The following UNC5D variants were observed in gnomAD, a reference collection of about 807,000 sequenced individuals.
UNC5D encodes netrin receptor UNC5D.
Under a neutral mutation model 105.4 loss-of-function variants are expected in UNC5D, and 39 were observed. That is an observed-to-expected ratio of 0.37 (90% CI 0.29 to 0.48). The LOEUF (loss-of-function observed/expected upper bound fraction) is 0.48, where lower values mean the gene tolerates loss of function less well. Among genes scored for constraint, UNC5D ranks in the 20% least tolerant of loss-of-function variants. The pLI, the probability that UNC5D is intolerant of heterozygous loss-of-function variation, is 0.98. For synonymous variants in UNC5D, 452 were observed against 450.4 expected (o/e 1.00, Z -0.04); for missense variants, 991 against 1,202.4 (o/e 0.82, Z 2.60).
At chr8:35,311,901 G>A (rs1311286988) in intron 1 of UNC5D, among the ~76,000 whole-genome samples, 1 of 151,990 alleles carries the variant, frequency 6.6e-6, no homozygotes, top group Non-Finnish European at 1.5e-5. Flanking sequence ...TTGTATCAAC[G>A]TTCCTCTGGA....
At chr8:35,728,788 G>A (rs1829031369) in intron 10 of UNC5D, among the ~76,000 whole-genome samples, 2 of 152,202 alleles carry the variant, frequency 1.3e-5, no homozygotes, top group African/African-American at 4.8e-5. Context: ...ATATAAAACA[G>A]GAAGCTCAGA....
At chr8:35,483,767 A>G (rs1207249528) in intron 1 of UNC5D, among the ~76,000 whole-genome samples, 1 of 152,158 alleles carries the variant, frequency 6.6e-6, no homozygotes, top group Non-Finnish European at 1.5e-5. Flanking sequence ...GAGGGTATTG[A>G]TTTTAAAATA....
chr8:35,427,440 A>G (rs1439263789), intron 1 of UNC5D, among the ~76,000 whole-genome samples: 1 of 152,230 alleles, frequency 6.6e-6, no homozygotes, highest in Non-Finnish European at 1.5e-5. Context: ...ATGAAATTCT[A>G]CTTACCAAAT....
At chr8:35,359,681 G>A (rs1350851007) in intron 1 of UNC5D, among the ~76,000 whole-genome samples, 1 of 152,134 alleles carries the variant, frequency 6.6e-6, no homozygotes, top group Non-Finnish European at 1.5e-5. Context: ...TCAGCAATGA[G>A]TACAGTAGTT....
intron 4 of UNC5D, among the ~76,000 whole-genome samples, chr8:35,624,873 A>AT (rs1341062596): frequency 6.6e-6 from 1 of 152,192 alleles, no homozygotes; most frequent in Non-Finnish European, 1.5e-5. Context: ...TTTCACATAT[A>AT]TATGTGACTA....
intron 4 of UNC5D, among the ~76,000 whole-genome samples, chr8:35,670,402 T>C (rs1824703289): frequency 6.6e-6 from 1 of 152,180 alleles, no homozygotes. Flanking sequence ...TGAAGACACA[T>C]GTACATGTAT....
intron 16 of UNC5D, among the ~76,000 whole-genome samples, chr8:35,784,476 C>T (rs967276101): frequency 2.0e-5 from 3 of 152,042 alleles, no homozygotes; most frequent in Admixed American, 6.6e-5. Flanking sequence ...AGGCCAGGCA[C>T]GACAGCTGAG....
rs1809425972 is a variant in UNC5D, at chr8:35,317,891, C to CCTTCTACTTAGACAAGACAACTTAGTTA, written c.103+82004_103+82005insCTTCTACTTAGACAAGACAACTTAGTTA. ...TCTACTTAGACAAGACAACTTAGTTCTTGGTTGTGTCTTTTGGTCGGTATG... is the reference window on the plus strand; with the variant it reads ...TCTACTTAGACAAGACAACTTAGTTCCTTCTACTTAGACAAGACAACTTAGTTATTGGTTGTGTCTTTTGGTCGGTATG... On this transcript the variant is annotated intron_variant, in intron 1 of 16. Transcript: ENST00000404895. Among the ~76,000 whole-genome samples the CCTTCTACTTAGACAAGACAACTTAGTTA allele has an allele frequency of 1.5e-4, 10 of 68,056 alleles. 1 individual carries two copies. In the Admixed American group the frequency reaches 1.7e-3, roughly 12 times the overall value. 44.6% of individuals were successfully genotyped at this position (68,056 alleles called of 152,430 possible).
chr8:35,759,798 T>C lies in UNC5D; in HGVS notation c.2313+329T>C, dbSNP rs564380353. On this transcript the variant is annotated intron_variant, in intron 14 of 16. Transcript: ENST00000404895. Reference sequence around the variant, plus strand: ...AGGTTTGTGAGTTGGTTTGTTTTTATTAAAATCAGTTCATTATGAGACAGC... The same window carrying C: ...AGGTTTGTGAGTTGGTTTGTTTTTACTAAAATCAGTTCATTATGAGACAGC... Among the ~76,000 whole-genome samples the C allele has an allele frequency of 2.6e-5, 4 of 152,286 alleles. No homozygotes were observed. In the South Asian group the frequency reaches 8.3e-4, roughly 32 times the overall value.
At chr8:35,387,736 A>G (rs1396178781) in intron 1 of UNC5D, among the ~76,000 whole-genome samples, 1 of 152,188 alleles carries the variant, frequency 6.6e-6, no homozygotes, top group Non-Finnish European at 1.5e-5. Context: ...TGATCTTCAT[A>G]TCATCCATCT....
At chr8:35,319,243 G>A (rs964340159) in intron 1 of UNC5D, among the ~76,000 whole-genome samples, 2 of 152,110 alleles carry the variant, frequency 1.3e-5, no homozygotes, top group African/African-American at 4.8e-5. Flanking sequence ...CTCATTTACA[G>A]AAGCCTGAGC....
intron 16 of UNC5D, among the ~76,000 whole-genome samples, chr8:35,778,871 G>A (rs1318390772): frequency 6.6e-6 from 1 of 152,174 alleles, no homozygotes; most frequent in Non-Finnish European, 1.5e-5. Context: ...GAATAGGAAG[G>A]AAAAGACAGG....
At chr8:35,669,826 C>T (rs1194729077) in intron 4 of UNC5D, among the ~76,000 whole-genome samples, 3 of 152,002 alleles carry the variant, frequency 2.0e-5, no homozygotes. Flanking sequence ...AAAAAAAAAT[C>T]CAAGTCCAGT....
chr8:35,271,743 T>TATACATGTATACATGTATACATATATATG (rs1563268511), intron 1 of UNC5D, among the ~76,000 whole-genome samples: 1 of 130,646 alleles, frequency 7.7e-6, no homozygotes, highest in African/African-American at 2.9e-5. Flanking sequence ...ACATATATAT[T>TATACATGTATACATGTATACATATATATG]TATACATGTA....
chr8:35,787,200 C>T (rs1802785082), intron 16 of UNC5D, among the ~76,000 whole-genome samples: 1 of 152,154 alleles, frequency 6.6e-6, no homozygotes, highest in Admixed American at 6.6e-5. Flanking sequence ...AGGTAGTAGG[C>T]TCACAAAGAT....
intron 1 of UNC5D, among the ~76,000 whole-genome samples, chr8:35,294,921 T>C (rs1807355037): frequency 6.6e-6 from 1 of 152,152 alleles, no homozygotes; most frequent in South Asian, 2.1e-4. Context: ...GGCATTGTAC[T>C]AAACACAATG....
intron 1 of UNC5D, among the ~76,000 whole-genome samples, chr8:35,344,848 C>T (rs1811690757): frequency 6.6e-6 from 1 of 151,868 alleles, no homozygotes; most frequent in Non-Finnish European, 1.5e-5. Context: ...ATACAAAATT[C>T]CTTTAAGAAG....
chr8:35,257,508 G>A (rs1441391434), intron 1 of UNC5D, among the ~76,000 whole-genome samples: 1 of 152,156 alleles, frequency 6.6e-6, no homozygotes, highest in Non-Finnish European at 1.5e-5. Context: ...ACATCCAGAG[G>A]ACTAGGTTTA....
intron 1 of UNC5D, among the ~76,000 whole-genome samples, chr8:35,447,943 CT>C (rs1432357409): frequency 6.6e-6 from 1 of 152,032 alleles, no homozygotes; most frequent in Non-Finnish European, 1.5e-5. Context: ...TAATACTCTT[CT>C]GTCTGAAAGT....
Sources: gnomAD v4.1 joint callset for allele counts (sites outside exome capture counted in the v4.1 genomes callset) on GRCh38, gnomAD v4.1.1 for gene constraint, MANE v1.5 for transcripts, NCBI Gene and HGNC (gene_info 2026-07-23, HGNC 2026-07-21) for gene names.